DMWD: variants seen among roughly 807,000 people sequenced by gnomAD.
The protein encoded by DMWD is DM1 locus, WD repeat containing.
In DMWD, 19 loss-of-function variants were observed where a neutral mutation model predicts 45.8. The ratio of observed to expected loss-of-function variants is 0.41; its 90% confidence interval spans 0.29 to 0.61. The LOEUF (loss-of-function observed/expected upper bound fraction) is 0.61. DMWD is among the 20% of genes least tolerant of loss of function. The pLI is 0.25. For missense variants in DMWD, 802 were observed against 965.2 expected, an observed-to-expected ratio of 0.83 and a Z score of 2.24; for synonymous variants, 515 against 440.5, an observed-to-expected ratio of 1.17 and a Z score of -2.12.
At chr19:45,789,795 A>G (rs1970330329) in intron 2 of DMWD, 2 of 152,244 alleles carry the variant, frequency 1.3e-5, no homozygotes, top group African/African-American at 4.8e-5. Context: ...AGGTGGGCGG[A>G]TCACAAGGTC....
At chr19:45,784,830 G>C in intron 3 of DMWD, 115 bp from the exon 4 acceptor site, 1 of 1,465,944 alleles carries the variant, frequency 6.8e-7, no homozygotes, top group Non-Finnish European at 9.1e-7. Flanking sequence ...AGGACTCTAC[G>C]ATTCCAAAAC....
chr19:45,792,665 C>A lies in DMWD; in HGVS notation c.92G>T (p.Gly31Val). The A allele has an allele frequency of 7.6e-7, 1 of 1,319,808 alleles. No individual in the cohort carries two copies. Among genetic ancestry groups the A allele is most frequent in the Non-Finnish European group, 9.8e-7 (1 of 1,018,898 alleles). The allele number at this position is 1,319,808 out of a possible 1,614,324, so 81.8% of individuals were successfully genotyped here. A position where few individuals can be genotyped will look rare whatever the true frequency, so the allele number is the denominator to read the frequency against. The stretch of plus-strand genomic sequence containing the variant: ...GTCGCCCGGGAGTAGCTTGTAGAAA[C>A]CCTCGCGCGTGCGGAATTGCGACTT... ...EIKSQFRTRE[G>V]FYKLLPGDGA... The change falls in exon 1 of 5, where the codon GGT becomes GTT. Residue 31 changes from glycine (G) to valine (V), a missense_variant. This residue lies in a region of DMWD where 151 missense variants were observed against 128.1 expected (regional missense o/e 1.18). Transcript: ENST00000270223.
intron 2 of DMWD, among the ~76,000 whole-genome samples, chr19:45,787,584 A>G (rs944686433): frequency 1.3e-5 from 2 of 152,194 alleles, no homozygotes; most frequent in Non-Finnish European, 2.9e-5. Context: ...CAGCTCCCCA[A>G]AGGAAGCGAT....
In DMWD at chr19:45,792,679, G is replaced by C; in HGVS notation, c.78C>G (p.Phe26Leu). ...GCTTGTAGAAACCCTCGCGCGTGCGGAATTGCGACTTAATCTCCGCGCAGT... is the reference window on the plus strand; with the variant it reads ...GCTTGTAGAAACCCTCGCGCGTGCGCAATTGCGACTTAATCTCCGCGCAGT... ...MGDCAEIKSQ[F>L]RTREGFYKLL... Residue 26 changes from phenylalanine to leucine, a missense_variant, in exon 1 of 5, where the codon TTC becomes TTG. Phe to Leu is a conservative substitution (Grantham distance 22). This residue lies in a region of DMWD where 151 missense variants were observed against 128.1 expected (regional missense o/e 1.18). Transcript: ENST00000270223. The C allele has an allele frequency of 7.7e-7, 1 of 1,300,858 alleles. No individual in the cohort carries two copies. Among genetic ancestry groups the C allele is most frequent in the Non-Finnish European group, 9.9e-7 (1 of 1,008,714 alleles). 80.6% of individuals were successfully genotyped at this position (1,300,858 alleles called of 1,614,324 possible).
chr19:45,790,956 C>A lies in DMWD; in HGVS notation c.573G>T (p.Val191=), dbSNP rs758480945. The change falls in exon 2 of 5, where the codon GTG becomes GTT. Residue 191 remains valine (V), a synonymous_variant. Transcript: ENST00000270223. The stretch of plus-strand genomic sequence containing the variant: ...CCTTTTTGATGAGATCCAGGTACTG[C>A]ACTTGACCCGCTGAGAAGCCCACCA... ...SLLVGFSAGQ[V]QYLDLIKKDT... 1 of 1,613,640 alleles carries A rather than the reference C, an allele frequency of 6.2e-7. No individual in the cohort carries two copies. The highest frequency in any genetic ancestry group is 8.5e-7 in the Non-Finnish European group (1 of 1,179,850).
At position 45,792,642 on chromosome 19, in the gene DMWD, C is replaced by T; in HGVS notation, c.115G>A (p.Asp39Asn). Residue 39 changes from aspartate (D) to asparagine (N), a missense_variant, in exon 1 of 5, where the codon GAC becomes AAC. Transcript: ENST00000270223. The stretch of plus-strand genomic sequence containing the variant: ...GGACCCGACCTGCGAGCGGCGCCGT[C>T]GCCCGGGAGTAGCTTGTAGAAACCC... ...REGFYKLLPG[D>N]GAARRSGPAS... 7.5e-7 allele frequency: 1 copy of T among 1,335,936 alleles called. No homozygotes were observed. Among genetic ancestry groups the T allele is most frequent in the Non-Finnish European group, 9.7e-7 (1 of 1,027,602 alleles). 82.8% of individuals were successfully genotyped at this position (1,335,936 alleles called of 1,614,324 possible).
rs1386338875 is a variant in DMWD at position 45,784,636 on chromosome 19, C to A, written c.1977+5G>T. The A allele has an allele frequency of 6.2e-7, 1 of 1,613,888 alleles. No individual in the cohort carries two copies. Among genetic ancestry groups the A allele is most frequent in the East Asian group, 2.2e-5 (1 of 44,882 alleles). ...GCTGGGGAAAGAACTCAGGGACAGT[C>A]CTACCTCTACCACTGACTTGCTGGG... On this transcript the variant is annotated splice_donor_5th_base_variant and intron_variant, in intron 4 of 4. Transcript: ENST00000270223.
At position 45,785,932 on chromosome 19, in the gene DMWD, G is replaced by A; in HGVS notation, c.1564C>T (p.Arg522Cys). 2.5e-6 allele frequency: 4 copies of A among 1,600,186 alleles called. No individual in the cohort carries two copies. The highest frequency in any genetic ancestry group is 3.4e-6 in the Non-Finnish European group (4 of 1,177,990). ...AEPGTPFSIG[R>C]FATLTLQERR... ...TCCTGCAGTGTGAGCGTGGCGAAGC[G>A]GCCAATGCTGAATGGTGTGCCAGGC... Residue 522 changes from arginine to cysteine, a missense_variant, in exon 3 of 5, where the codon CGC becomes TGC. This residue lies in a region of DMWD where 303 missense variants were observed against 332.9 expected (regional missense o/e 0.91). Coordinates refer to ENST00000270223, the MANE Select transcript of DMWD (RefSeq NM_004943.2).
In DMWD at chr19:45,784,116, TG is replaced by T. The variant is rs760271982; in HGVS notation, c.*126del. On this transcript the variant is annotated 3_prime_UTR_variant, in exon 5 of 5. Transcript: ENST00000270223. ...GGGGGGCCCCCAAATTTTGTGCAGG[TG>T]GGGGGACTGGAGCAGTCCATCCATC... 50 of 839,016 alleles carry T rather than the reference TG, an allele frequency of 6.0e-5. No individual in the cohort carries two copies. The highest frequency in any genetic ancestry group is 8.2e-5 in the Non-Finnish European group (42 of 510,040). 52.0% of individuals were successfully genotyped at this position (839,016 alleles called of 1,614,324 possible).
rs752095405 is a variant in DMWD at position 45,786,418 on chromosome 19, C to A, written c.1078G>T (p.Val360Leu). 1 of 1,613,322 alleles carries A rather than the reference C, an allele frequency of 6.2e-7. No homozygotes were observed. The highest frequency in any genetic ancestry group is 1.3e-5 in the African/African-American group (1 of 74,912). ...VTVWSFTEGRVVARGHGHKSW... is the reference protein window; with the variant it reads ...VTVWSFTEGRLVARGHGHKSW... ...TTGTGGCCATGGCCTCGAGCCACCA[C>A]GCGGCCCTCGGTGAAGGACCACACG... Residue 360 changes from valine (V) to leucine (L), a missense_variant, in exon 3 of 5, where the codon GTG (valine) becomes TTG (leucine). Val to Leu is a conservative substitution (Grantham distance 32). This residue lies in a region of DMWD where 146 missense variants were observed against 212.8 expected (regional missense o/e 0.69). Coordinates refer to ENST00000270223, the MANE Select transcript of DMWD (RefSeq NM_004943.2).
intron 2 of DMWD, among the ~76,000 whole-genome samples, chr19:45,787,504 T>C (rs1970297554): frequency 6.6e-6 from 1 of 152,170 alleles, no homozygotes; most frequent in Non-Finnish European, 1.5e-5. Flanking sequence ...TGGGGACCAC[T>C]GTATCTGTCT....
rs1970228344 is a variant in DMWD at position 45,784,101 on chromosome 19, C to CA, written c.*141dup. On this transcript the variant is annotated 3_prime_UTR_variant, in exon 5 of 5. Transcript: ENST00000270223. ...TGTCCGGGCCAGTCTGGGGGGCCCC[C>CA]AAATTTTGTGCAGGTGGGGGGACTG... 1 of 767,770 alleles carries CA rather than the reference C, an allele frequency of 1.3e-6. No individual in the cohort carries two copies. Among genetic ancestry groups the CA allele is most frequent in the Admixed American group, 2.2e-5 (1 of 46,340 alleles). 47.6% of individuals were successfully genotyped at this position (767,770 alleles called of 1,614,324 possible).
Position 45,792,050 on chromosome 19 carries a change from G to A in DMWD, c.441+266C>T, listed in dbSNP as rs563152498. Among the ~76,000 whole-genome samples, 143 of 152,138 alleles carry A rather than the reference G, an allele frequency of 9.4e-4. 1 individual carries two copies. The highest frequency in any genetic ancestry group is 3.4e-3 in the African/African-American group (140 of 41,478). ...CACCTCATCTCAGATACCCCATCAT[G>A]TCCAATAGTCACCATCCCAGAACTC... On this transcript the variant is annotated intron_variant, in intron 1 of 4. Transcript: ENST00000270223.
In DMWD at chr19:45,786,713, C is replaced by T. The variant is rs776015144; in HGVS notation, c.783G>A (p.Glu261=). 8 of 1,612,830 alleles carry T rather than the reference C, an allele frequency of 5.0e-6. No individual in the cohort carries two copies. Among genetic ancestry groups the T allele is most frequent in the Non-Finnish European group, 6.8e-6 (8 of 1,179,012 alleles). The stretch of plus-strand genomic sequence containing the variant: ...TCTTGGCAGCATAGACAGAGAAGCC[C>T]TCGCCCTGCTTCAGCAGGCTGTACT... ...PPQYSLLKQG[E]GFSVYAAKSK... Residue 261 remains glutamate, a synonymous_variant, in exon 3 of 5, where the codon GAG becomes GAA. Coordinates refer to ENST00000270223, the MANE Select transcript of DMWD (RefSeq NM_004943.2).
chr19:45,790,806 T>C (rs1970347033), intron 2 of DMWD, 99 bp downstream of exon 2: 1 of 1,382,608 alleles, frequency 7.2e-7, no homozygotes, highest in East Asian at 2.3e-5. Flanking sequence ...GTCCTGCCCC[T>C]CTCAGGCCTA....
rs745843988 is a variant in DMWD at position 45,786,338 on chromosome 19, C to T, written c.1158G>A (p.Ala386=). The T allele has an allele frequency of 5.6e-6, 9 of 1,607,392 alleles. No homozygotes were observed. Among genetic ancestry groups the T allele is most frequent in the Admixed American group, 1.7e-5 (1 of 59,888 alleles). Residue 386 remains alanine (A), a synonymous_variant, in exon 3 of 5, where the codon GCG becomes GCA. Transcript: ENST00000270223. ...CCCCATCAGCACCGGCTGCTGTCGC[C>T]GCCTCCTCTGCCCTTGTGGTGTAGG... ...FDPYTTRAEE[A]ATAAGADGER...
At chr19:45,789,365 G>GAGAATGAGAC (rs1970324058) in intron 2 of DMWD, 1 of 152,360 alleles carries the variant, frequency 6.6e-6, no homozygotes, top group Non-Finnish European at 1.5e-5. Context: ...CTGGACCAGA[G>GAGAATGAGAC]AGAATGAGAC....
At chr19:45,790,747 A>G in intron 2 of DMWD, 158 bp downstream of exon 2, 1 of 735,418 alleles carries the variant, frequency 1.4e-6, no homozygotes, top group South Asian at 2.0e-5. Context: ...TGGGTACAGT[A>G]AAGGCAGCTG....
rs769083865 is a variant in DMWD, at chr19:45,785,949, G to A, written c.1547C>T (p.Thr516Ile). Reference protein sequence around the residue: ...GGPGVAAEPGTPFSIGRFATL... With the variant: ...GGPGVAAEPGIPFSIGRFATL... Reference sequence around the variant, plus strand: ...GGCGAAGCGGCCAATGCTGAATGGTGTGCCAGGCTCTGCCGCCACACCCGG... The same window carrying A: ...GGCGAAGCGGCCAATGCTGAATGGTATGCCAGGCTCTGCCGCCACACCCGG... Residue 516 changes from threonine (T) to isoleucine (I), a missense_variant, in exon 3 of 5, where the codon ACA becomes ATA. Thr to Ile is a moderately conservative substitution (Grantham distance 89). Coordinates refer to ENST00000270223, the MANE Select transcript of DMWD (RefSeq NM_004943.2). The A allele has an allele frequency of 5.0e-6, 8 of 1,591,726 alleles. No homozygotes were observed. Among genetic ancestry groups the A allele is most frequent in the South Asian group, 2.2e-5 (2 of 89,900 alleles).
Sources: allele counts gnomAD v4.1 joint callset (sites outside exome capture counted in the v4.1 genomes callset), GRCh38; gene constraint gnomAD v4.1.1; regional missense constraint gnomAD v4.1.1; transcripts MANE v1.5; gene names NCBI Gene and HGNC (gene_info 2026-07-23, HGNC 2026-07-21).